The following ADAD2 variants were observed in gnomAD, a reference collection of about 807,000 sequenced individuals.
The protein encoded by ADAD2 is adenosine deaminase domain-containing protein 2.
In ADAD2, 60 loss-of-function variants were observed where a neutral mutation model predicts 54.5. That is an observed-to-expected ratio of 1.10 (90% CI 0.89 to 1.36). The LOEUF (loss-of-function observed/expected upper bound fraction) is 1.36. ADAD2 is among the 40% of genes most tolerant of loss of function. The pLI is 0.00. For synonymous variants in ADAD2, 543 were observed against 366.2 expected (o/e 1.48, Z -5.51); for missense variants, 1,103 against 801.3 (o/e 1.38, Z -4.54).
rs752561596 is a variant in ADAD2, at chr16:84,194,572, GGA to G, written c.552_553del (p.Asn185ProfsTer24). The G allele has an allele frequency of 1.2e-5, 19 of 1,604,090 alleles. No homozygotes were observed. The highest frequency in any genetic ancestry group is 1.6e-5 in the Non-Finnish European group (19 of 1,175,502). On this transcript the variant is annotated frameshift_variant, in exon 2 of 10. Coordinates refer to ENST00000315906, the MANE Select transcript of ADAD2 (RefSeq NM_001145400.2). LOFTEE classifies it high-confidence loss of function. ...SALCYIRSQL[E>X]NPESPQTSSR... ...CCCTCTGCTACATCCGGAGTCAGCT[GGA>G]GAACCCAGGTAATGGAGGGAGGGCC...
At position 84,194,935 on chromosome 16, in the gene ADAD2, TC is replaced by T. The variant is rs1390126889; in HGVS notation, c.568del (p.Gln190ArgfsTer11). 2 of 1,605,046 alleles carry T rather than the reference TC, an allele frequency of 1.2e-6. No homozygotes were observed. Among genetic ancestry groups the T allele is most frequent in the South Asian group, 1.1e-5 (1 of 89,986 alleles). ...YIRSQLENPESPQTSSRPPLA... is the reference protein window; with the variant it reads ...YIRSQLENPEXPQTSSRPPLA... ...CCCGCCCTCCTTGCCTCTTTCAGAG[TC>T]CCCCCAGACCTCCAGCCGGCCTCCA... On this transcript the variant is annotated frameshift_variant, in exon 3 of 10. Transcript: ENST00000315906. LOFTEE classifies it high-confidence loss of function.
At chr16:84,196,822 C>T in intron 9 of ADAD2, 48 bp from the exon 10 acceptor site, 3 of 1,597,626 alleles carry the variant, frequency 1.9e-6, no homozygotes, top group East Asian at 2.2e-5. Flanking sequence ...GCAGTCCCTG[C>T]CCCCTGCAGG....
chr16:84,194,529 A>G lies in ADAD2; in HGVS notation c.506A>G (p.Gln169Arg). ...GTANSKTEAKQQAALSALCYI... is the reference protein window; with the variant it reads ...GTANSKTEAKRQAALSALCYI... ...GCGAATAGCAAGACGGAGGCCAAAC[A>G]GCAGGCAGCGCTCTCTGCCCTCTGC... is the stretch of plus-strand genomic sequence containing the variant. Residue 169 changes from glutamine (Q) to arginine (R), a missense_variant, in exon 2 of 10, where the codon CAG becomes CGG. Gln to Arg is a conservative substitution (Grantham distance 43, BLOSUM62 1). Coordinates refer to ENST00000315906, the MANE Select transcript of ADAD2 (RefSeq NM_001145400.2). 6.2e-7 allele frequency: 1 copy of G among 1,611,730 alleles called. No individual in the cohort carries two copies. The highest frequency in any genetic ancestry group is 8.5e-7 in the Non-Finnish European group (1 of 1,179,182).
At position 84,191,500 on chromosome 16, in the gene ADAD2, G is replaced by C; in HGVS notation, c.270G>C (p.Gln90His). Residue 90 changes from glutamine to histidine, a missense_variant, in exon 1 of 10, where the codon CAG becomes CAC. Transcript: ENST00000315906. The stretch of plus-strand genomic sequence containing the variant: ...GGGCGTGGGAAAACTTGGGGGAACA[G>C]ATGGGGAAGGCCCCGAGGGTCCCTG... ...AARAWENLGE[Q>H]MGKAPRVPVP... The C allele has an allele frequency of 6.5e-7, 1 of 1,542,604 alleles. No individual in the cohort carries two copies. Among genetic ancestry groups the C allele is most frequent in the East Asian group, 2.4e-5 (1 of 40,894 alleles).
At chr16:84,194,290 G>T in intron 1 of ADAD2, 152 bp from the exon 2 acceptor site, 1 of 1,549,444 alleles carries the variant, frequency 6.5e-7, no homozygotes, top group South Asian at 1.2e-5. Flanking sequence ...CGCGGCATGG[G>T]GTGGCGATGG....
Position 84,196,323 on chromosome 16 carries a change from C to T in ADAD2, c.1479C>T (p.Asp493=), listed in dbSNP as rs1169744383. The T allele has an allele frequency of 6.2e-7, 1 of 1,612,824 alleles. No individual in the cohort carries two copies. Among genetic ancestry groups the T allele is most frequent in the African/African-American group, 1.3e-5 (1 of 74,912 alleles). The change falls in exon 8 of 10, where the codon GAC becomes GAT. Residue 493 remains aspartate, a synonymous_variant. Coordinates refer to ENST00000315906, the MANE Select transcript of ADAD2 (RefSeq NM_001145400.2). ...TGAGCCTCAACTGGAGCCTGGGGGA[C>T]CCTGGCATCGAGGTTGTGGATGTGG... ...RGLSLNWSLG[D]PGIEVVDVAT...
chr16:84,194,901 C>A, intron 2 of ADAD2, 32 bp from the exon 3 acceptor site: 1 of 1,579,714 alleles, frequency 6.3e-7, no homozygotes, highest in Admixed American at 1.8e-5. Context: ...GCCTTGGCAC[C>A]CACACCAGCC....
intron 1 of ADAD2, chr16:84,192,544 TTTTC>T (rs748436200): frequency 6.6e-6 from 1 of 152,644 alleles, no homozygotes; most frequent in Non-Finnish European, 1.5e-5. Context: ...TGTTTTTCTT[TTTTC>T]TTTCTTTTTG....
In ADAD2 at chr16:84,196,943, C is replaced by A; in HGVS notation, c.1721C>A (p.Ser574Ter). The change falls in exon 10 of 10, where the codon TCG (serine) becomes TAG (stop). Residue 574 changes from serine to a stop codon, truncating the protein, a stop_gained. Transcript: ENST00000315906. LOFTEE classifies it high-confidence loss of function. ...LDQQGLGAWPSKPLVGKFRN is the reference protein window; with the variant it reads ...LDQQGLGAWP ...CAGCAGGGCCTGGGGGCTTGGCCCTCGAAGCCACTGGTGGGCAAATTCAGA... is the reference window on the plus strand; with the variant it reads ...CAGCAGGGCCTGGGGGCTTGGCCCTAGAAGCCACTGGTGGGCAAATTCAGA... The A allele has an allele frequency of 6.2e-7, 1 of 1,604,504 alleles. No individual in the cohort carries two copies. The highest frequency in any genetic ancestry group is 1.1e-5 in the South Asian group (1 of 89,522).
rs369768210 is a variant in ADAD2, at chr16:84,196,332, C to T, written c.1488C>T (p.Ile496=). 23 of 1,612,684 alleles carry T rather than the reference C, an allele frequency of 1.4e-5. No homozygotes were observed. The highest frequency in any genetic ancestry group is 4.5e-5 in the East Asian group (2 of 44,856). Residue 496 remains isoleucine, a synonymous_variant, in exon 8 of 10, where the codon ATC becomes ATT. Transcript: ENST00000315906. ...SLNWSLGDPG[I]EVVDVATGRV... ...ACTGGAGCCTGGGGGACCCTGGCAT[C>T]GAGGTTGTGGATGTGGCCACCGGGC...
rs774660171 is a variant in ADAD2, at chr16:84,191,449, C to T, written c.219C>T (p.Ala73=). ...VLRDSGPGAG[A]GVGELGAARA... ...GGGACAGTGGGCCTGGGGCAGGGGCCGGAGTCGGGGAACTGGGGGCAGCCC... is the reference window on the plus strand; with the variant it reads ...GGGACAGTGGGCCTGGGGCAGGGGCTGGAGTCGGGGAACTGGGGGCAGCCC... Residue 73 remains alanine, a synonymous_variant, in exon 1 of 10, where the codon GCC becomes GCT. Transcript: ENST00000315906. The T allele has an allele frequency of 3.9e-6, 6 of 1,523,430 alleles. No homozygotes were observed. In the African/African-American group the frequency reaches 4.2e-5, roughly 11 times the overall value. The allele number at this position is 1,523,430 out of a possible 1,614,324, so 94.4% of individuals were successfully genotyped here.
intron 5 of ADAD2, 29 bp from the exon 6 acceptor site, chr16:84,195,501 C>T: frequency 1.9e-6 from 3 of 1,603,214 alleles, no homozygotes; most frequent in Non-Finnish European, 2.6e-6. Context: ...ACAAGGTCTT[C>T]CCAACCACCC....
rs575644843 is a variant in ADAD2 at position 84,196,226 on chromosome 16, G to A, written c.1382G>A (p.Arg461Gln). The change falls in exon 8 of 10, where the codon CGG (arginine) becomes CAG (glutamine). Residue 461 changes from arginine (R) to glutamine (Q), a missense_variant. Transcript: ENST00000315906. ...LGPCLPPPYV[R>Q]TALHLFAGPP... is the part of the protein sequence containing the mutation. ...CCATGCCTGCCACCTCCCTACGTCCGGACCGCCCTGCACCTGTTTGCAGGG... is the reference window on the plus strand; with the variant it reads ...CCATGCCTGCCACCTCCCTACGTCCAGACCGCCCTGCACCTGTTTGCAGGG... The A allele has an allele frequency of 5.6e-6, 9 of 1,611,330 alleles. No individual in the cohort carries two copies. Among genetic ancestry groups the A allele is most frequent in the African/African-American group, 5.3e-5 (4 of 74,984 alleles).
chr16:84,194,151 T>C (rs750638873), intron 1 of ADAD2: 3 of 1,611,532 alleles, frequency 1.9e-6, no homozygotes, highest in Non-Finnish European at 2.5e-6. Flanking sequence ...CTGACTCAAG[T>C]TGGGCAAACC....
chr16:84,196,272 A>G lies in ADAD2; in HGVS notation c.1428A>G (p.Glu476=). The G allele has an allele frequency of 1.2e-6, 2 of 1,612,556 alleles. No homozygotes were observed. Among genetic ancestry groups the G allele is most frequent in the Non-Finnish European group, 1.7e-6 (2 of 1,179,840 alleles). ...CAGGGCCCCCGGTGGCCCCTTCCGAACCCACCCCTGACACCTGCCGTGGCC... is the reference window on the plus strand; with the variant it reads ...CAGGGCCCCCGGTGGCCCCTTCCGAGCCCACCCCTGACACCTGCCGTGGCC... ...LFAGPPVAPS[E]PTPDTCRGLS... Residue 476 remains glutamate, a synonymous_variant, in exon 8 of 10, where the codon GAA becomes GAG. Transcript: ENST00000315906.
chr16:84,191,836 G>C (rs1229676757), intron 1 of ADAD2, 188 bp downstream of exon 1: 1 of 819,042 alleles, frequency 1.2e-6, no homozygotes, highest in Admixed American at 2.0e-5. Flanking sequence ...CGATCTCCAA[G>C]GATCACCAGC....
At position 84,195,567 on chromosome 16, in the gene ADAD2, G is replaced by A. The variant is rs780639899; in HGVS notation, c.922G>A (p.Gly308Ser). 1.5e-5 allele frequency: 24 copies of A among 1,600,102 alleles called. No individual in the cohort carries two copies. The highest frequency in any genetic ancestry group is 4.5e-5 in the South Asian group (4 of 89,278). The change falls in exon 6 of 10, where the codon GGC (glycine) becomes AGC (serine). Residue 308 changes from glycine (G) to serine (S), a missense_variant. By Grantham distance (56) the Gly-to-Ser change is moderately conservative. Transcript: ENST00000315906. ...GCAGCTCCTGCTGGCCACACAGGGG[G>A]GCCCCAAGGGCAAGGAGCAGTCCGT... ...FRQLLLATQGGPKGKEQSVLA... is the reference protein window; with the variant it reads ...FRQLLLATQGSPKGKEQSVLA...
chr16:84,195,656 C>A lies in ADAD2; in HGVS notation c.1011C>A (p.Leu337=). Residue 337 remains leucine (L), a synonymous_variant, in exon 6 of 10, where the codon CTC becomes CTA. Coordinates refer to ENST00000315906, the MANE Select transcript of ADAD2 (RefSeq NM_001145400.2). ...FTLKPRVFLH[L]YISNTPKGAA... is the part of the protein sequence containing the mutation. ...TCAAGCCCCGCGTCTTCCTGCACCT[C>A]TACATCAGCAACACCCCCAAGGGCG... 1 of 1,591,084 alleles carries A rather than the reference C, an allele frequency of 6.3e-7. No individual in the cohort carries two copies. The highest frequency in any genetic ancestry group is 1.4e-5 in the African/African-American group (1 of 73,782).
At position 84,196,056 on chromosome 16, in the gene ADAD2, G is replaced by A. The variant is rs767509996; in HGVS notation, c.1282+12G>A. On this transcript the variant is annotated intron_variant, in intron 7 of 9. Transcript: ENST00000315906. Reference sequence around the variant, plus strand: ...CAGCCTCATCCTGGGTGAGCACGTGGTGAGGGCTGGGGGGGTGAGAAGGGA... The same window carrying A: ...CAGCCTCATCCTGGGTGAGCACGTGATGAGGGCTGGGGGGGTGAGAAGGGA... 5.6e-6 allele frequency: 9 copies of A among 1,599,200 alleles called. No homozygotes were observed. The highest frequency in any genetic ancestry group is 3.3e-5 in the Admixed American group (2 of 59,980).
Sources: gnomAD v4.1 joint callset for allele counts on GRCh38, gnomAD v4.1.1 for gene constraint, MANE v1.5 for transcripts, NCBI Gene and HGNC (gene_info 2026-07-23, HGNC 2026-07-21) for gene names.